Variants in EYS observed in about 807,000 individuals in gnomAD.
EYS encodes protein eyes shut homolog.
A neutral mutation model predicts 282.1 loss-of-function variants in EYS; 250 were observed. That is an observed-to-expected ratio of 0.89 (90% confidence interval 0.80 to 0.98). The LOEUF is 0.98. Among genes scored for constraint, EYS ranks in the 50% least tolerant of loss-of-function variants. EYS has a pLI of 0.00. For missense variants in EYS, 4,016 were observed against 3,709.0 expected (o/e 1.08, Z -2.15); for synonymous variants, 1,355 against 1,282.9 (o/e 1.06, Z -1.20).
chr6:64,460,034 A>G (rs1024700216), intron 26 of EYS, among the ~76,000 whole-genome samples: 1 of 151,824 alleles, frequency 6.6e-6, no homozygotes, highest in Non-Finnish European at 1.5e-5. Context: ...ACTTTTATTC[A>G]AATTTTGGAT....
chr6:65,325,311 T>C (rs577182448), intron 11 of EYS, among the ~76,000 whole-genome samples: 1 of 152,280 alleles, frequency 6.6e-6, no homozygotes, highest in Non-Finnish European at 1.5e-5. Context: ...AGCAAATCAA[T>C]AATAATATTT....
chr6:64,591,189 AACATGTTGC>A lies in EYS; in HGVS notation c.4669_4677del (p.Ala1557_Cys1559del). The A allele has an allele frequency of 6.4e-7, 1 of 1,551,376 alleles. No homozygotes were observed. Among genetic ancestry groups the A allele is most frequent in the Non-Finnish European group, 8.7e-7 (1 of 1,146,812 alleles). On this transcript the variant is annotated inframe_deletion, in exon 26 of 43. Transcript: ENST00000503581. ...CGAGAGGATTTTATTTCAGTCATAG[AACATGTTGC>A]ACATGTTTGGCTTAATTCTCTTAAA...
At chr6:65,492,081 T>C (rs535990712) in intron 4 of EYS, among the ~76,000 whole-genome samples, 1 of 152,348 alleles carries the variant, frequency 6.6e-6, no homozygotes, top group South Asian at 2.1e-4. Flanking sequence ...TATGGTACTT[T>C]GTTATGACAG....
intron 1 of EYS, among the ~76,000 whole-genome samples, chr6:65,659,884 A>G (rs547809860): frequency 6.6e-6 from 1 of 151,796 alleles, no homozygotes; most frequent in East Asian, 1.9e-4. Flanking sequence ...TGGCTAATCA[A>G]ATTATTGTAG....
intron 24 of EYS, among the ~76,000 whole-genome samples, chr6:64,598,301 A>T (rs963634352): frequency 1.3e-5 from 2 of 152,228 alleles, no homozygotes; most frequent in Non-Finnish European, 2.9e-5. Context: ...CCTACTAAAA[A>T]TACAAAAAAA....
chr6:64,804,436 T>C (rs1764361784), intron 22 of EYS, among the ~76,000 whole-genome samples: 1 of 152,164 alleles, frequency 6.6e-6, no homozygotes, highest in African/African-American at 2.4e-5. Flanking sequence ...CTATTTATCT[T>C]GCCACAGAAA....
rs757689268 is a variant in EYS at position 64,997,614 on chromosome 6, C to T, written c.2227G>A (p.Glu743Lys). The T allele has an allele frequency of 4.5e-6, 7 of 1,551,130 alleles. No individual in the cohort carries two copies. In the African/African-American group the frequency reaches 8.2e-5, roughly 18 times the overall value. ...DIDDCILNAC[E>K]HNSTCKDLHL... ...AGGTCTTTGCAGGTAGAATTGTGCT[C>T]ACAGGCATTCAGGATGCAGTCATCA... The change falls in exon 14 of 43, where the codon GAG (glutamate) becomes AAG (lysine). Residue 743 changes from glutamate (E) to lysine (K), a missense_variant. By Grantham distance (56) the Glu-to-Lys change is moderately conservative. Transcript: ENST00000503581.
intron 22 of EYS, among the ~76,000 whole-genome samples, chr6:64,751,596 G>A (rs1006923687): frequency 6.6e-6 from 1 of 152,214 alleles, no homozygotes; most frequent in African/African-American, 2.4e-5. Context: ...CTAGCCCATT[G>A]CCTGAGGAAA....
intron 13 of EYS, among the ~76,000 whole-genome samples, chr6:65,053,817 C>T (rs1016520918): frequency 6.6e-6 from 1 of 151,878 alleles, no homozygotes; most frequent in African/African-American, 2.4e-5. Flanking sequence ...TTTTGCTAAC[C>T]TGTATCTATT....
At chr6:64,385,327 A>G (rs1227298738) in intron 29 of EYS, among the ~76,000 whole-genome samples, 1 of 152,234 alleles carries the variant, frequency 6.6e-6, no homozygotes, top group Non-Finnish European at 1.5e-5. Context: ...GCACACACAC[A>G]TACACACATA....
chr6:64,093,254 T>C (rs1435483214), intron 31 of EYS, among the ~76,000 whole-genome samples: 1 of 152,128 alleles, frequency 6.6e-6, no homozygotes, highest in East Asian at 1.9e-4. Context: ...TTTGGTTCCA[T>C]ATGAACTTTA....
chr6:64,656,719 G>A (rs1276941322), intron 22 of EYS, among the ~76,000 whole-genome samples: 1 of 152,122 alleles, frequency 6.6e-6, no homozygotes, highest in Non-Finnish European at 1.5e-5. Flanking sequence ...AGTAATTGTT[G>A]GGGGCTGCAT....
chr6:64,085,340 G>GCGCGCACA (rs112388321), intron 31 of EYS, among the ~76,000 whole-genome samples: 55 of 139,814 alleles, frequency 3.9e-4, no homozygotes, highest in African/African-American at 1.5e-3. Flanking sequence ...ACGTGCGCGC[G>GCGCGCACA]CACACACACA....
At chr6:65,282,067 G>A (rs138241427) in intron 12 of EYS, among the ~76,000 whole-genome samples, 1 of 151,444 alleles carries the variant, frequency 6.6e-6, no homozygotes, top group Non-Finnish European at 1.5e-5. Flanking sequence ...CTGTTACAGA[G>A]GATGGAGGAT....
intron 20 of EYS, among the ~76,000 whole-genome samples, chr6:64,822,337 G>T (rs892094139): frequency 6.6e-6 from 1 of 151,958 alleles, no homozygotes; most frequent in African/African-American, 2.4e-5. Context: ...GCAAATAATA[G>T]AATGTCTCAT....
intron 31 of EYS, among the ~76,000 whole-genome samples, chr6:64,119,350 C>A (rs906288752): frequency 1.3e-5 from 2 of 152,108 alleles, no homozygotes. Flanking sequence ...GATACGTATA[C>A]CACTTGATTG....
intron 11 of EYS, among the ~76,000 whole-genome samples, chr6:65,322,471 G>A (rs1347450250): frequency 6.6e-6 from 1 of 152,132 alleles, no homozygotes; most frequent in Non-Finnish European, 1.5e-5. Flanking sequence ...TTATGCAGCA[G>A]GAATATATCC....
At chr6:64,453,169 A>C (rs1775424152) in intron 26 of EYS, among the ~76,000 whole-genome samples, 1 of 149,410 alleles carries the variant, frequency 6.7e-6, no homozygotes, top group Non-Finnish European at 1.5e-5. Context: ...AGAAAAAAAC[A>C]AACAACCCCA....
At chr6:64,448,644 C>CATGTGAA (rs1775206991) in intron 26 of EYS, among the ~76,000 whole-genome samples, 1 of 152,150 alleles carries the variant, frequency 6.6e-6, no homozygotes, top group African/African-American at 2.4e-5. Flanking sequence ...GCCGGGTACT[C>CATGTGAA]CTCTGAGACA....
Sources: allele counts gnomAD v4.1 joint callset (sites outside exome capture counted in the v4.1 genomes callset), GRCh38; gene constraint gnomAD v4.1.1; transcripts MANE v1.5; gene names NCBI Gene and HGNC (gene_info 2026-07-23, HGNC 2026-07-21).